The following DOCK4 variants were observed in gnomAD, a reference collection of about 807,000 sequenced individuals.
DOCK4 encodes dedicator of cytokinesis protein 4.
Under a neutral mutation model 268.1 loss-of-function variants are expected in DOCK4, and 97 were observed. The ratio of observed to expected loss-of-function variants is 0.36; its 90% CI spans 0.31 to 0.43. The LOEUF (loss-of-function observed/expected upper bound fraction) is 0.43. Among genes scored for constraint, DOCK4 ranks in the 20% least tolerant of loss-of-function variants. The pLI is 1.00. For missense variants in DOCK4, 2,145 were observed against 2,455.7 expected (o/e 0.87, Z 2.67); for synonymous variants, 954 against 887.2 (o/e 1.08, Z -1.34).
chr7:111,758,297 A>G (rs1242563043), intron 41 of DOCK4, among the ~76,000 whole-genome samples: 24 of 152,256 alleles, frequency 1.6e-4, no homozygotes, highest in Admixed American at 1.6e-3. Context: ...AATGAATAAG[A>G]GGACTGACTT....
chr7:112,100,459 C>G (rs1157607016), intron 1 of DOCK4, among the ~76,000 whole-genome samples: 2 of 152,240 alleles, frequency 1.3e-5, no homozygotes, highest in Admixed American at 6.5e-5. Context: ...GTTTTTTACC[C>G]AAGCCTGAAA....
intron 1 of DOCK4, among the ~76,000 whole-genome samples, chr7:112,205,705 C>T (rs75433333): frequency 0.012 from 1,872 of 152,220 alleles, 45 homozygotes; most frequent in African/African-American, 0.042. Flanking sequence ...ACCGTTGCAG[C>T]TCCCTGTCGC....
chr7:112,061,433 A>C (rs1806376769), intron 1 of DOCK4, among the ~76,000 whole-genome samples: 1 of 152,116 alleles, frequency 6.6e-6, no homozygotes, highest in Non-Finnish European at 1.5e-5. Context: ...GCTTTGGTTC[A>C]CAAGGTAGCT....
At chr7:111,946,119 TATGAC>T (rs1370198973) in intron 8 of DOCK4, among the ~76,000 whole-genome samples, 1 of 152,140 alleles carries the variant, frequency 6.6e-6, no homozygotes, top group African/African-American at 2.4e-5. Context: ...AAGAGAAAAA[TATGAC>T]ATAACATGTT....
At chr7:111,777,124 C>T (rs981159343) in intron 36 of DOCK4, among the ~76,000 whole-genome samples, 34 of 152,208 alleles carry the variant, frequency 2.2e-4, no homozygotes, top group African/African-American at 7.9e-4. Context: ...TGGCCTTGTA[C>T]TTGAGTAATT....
chr7:112,124,352 T>C (rs543326193), intron 1 of DOCK4, among the ~76,000 whole-genome samples: 1 of 152,306 alleles, frequency 6.6e-6, no homozygotes, highest in African/African-American at 2.4e-5. Flanking sequence ...TAAAGCAACA[T>C]TCCCTATAAG....
At chr7:111,904,372 T>C (rs530026612) in intron 13 of DOCK4, among the ~76,000 whole-genome samples, 74 of 152,178 alleles carry the variant, frequency 4.9e-4, no homozygotes, top group Non-Finnish European at 1.8e-4. Flanking sequence ...GTAAAATATA[T>C]AGTATGCTGA....
intron 16 of DOCK4, among the ~76,000 whole-genome samples, chr7:111,887,786 C>T (rs1807974153): frequency 6.8e-6 from 1 of 147,368 alleles, no homozygotes; most frequent in Non-Finnish European, 1.5e-5. Flanking sequence ...AAGGCTTGAG[C>T]ATGTTTATGA....
chr7:112,122,502 C>G (rs2523008), intron 1 of DOCK4, among the ~76,000 whole-genome samples: 53,392 of 151,908 alleles, frequency 0.35, 11,638 homozygotes, highest in South Asian at 0.54. Flanking sequence ...AACTCCTGGC[C>G]TCAAGCAATC....
chr7:111,942,433 A>C (rs946092351), intron 10 of DOCK4, among the ~76,000 whole-genome samples: 18 of 152,146 alleles, frequency 1.2e-4, no homozygotes, highest in East Asian at 5.8e-4. Context: ...CTCTTCAAAT[A>C]ATCAGTATGT....
intron 34 of DOCK4, 75 bp downstream of exon 34, chr7:111,783,782 G>A: frequency 7.8e-7 from 1 of 1,284,652 alleles, no homozygotes; most frequent in Non-Finnish European, 1.1e-6. Context: ...GTGGAACGTT[G>A]ATTGTATTCT....
At chr7:111,845,178 G>C (rs1402007453) in intron 24 of DOCK4, among the ~76,000 whole-genome samples, 1 of 152,202 alleles carries the variant, frequency 6.6e-6, no homozygotes, top group Non-Finnish European at 1.5e-5. Context: ...TCCCAACAGG[G>C]TGTGTGACCT....
At position 111,741,678 on chromosome 7, in the gene DOCK4, G is replaced by A; in HGVS notation, c.4798-17C>T. On this transcript the variant is annotated splice_polypyrimidine_tract_variant and intron_variant, in intron 45 of 52. Coordinates refer to ENST00000428084, the MANE Select transcript of DOCK4 (RefSeq NM_001363540.2). ...AGAGAACTCCTAAAGATGTAGTAAA[G>A]GAAATATCTCATTACAGTAATGATT... 1 of 1,610,474 alleles carries A rather than the reference G, an allele frequency of 6.2e-7. No individual in the cohort carries two copies. The highest frequency in any genetic ancestry group is 2.2e-5 in the East Asian group (1 of 44,834).
intron 40 of DOCK4, among the ~76,000 whole-genome samples, chr7:111,759,649 T>C (rs79107501): frequency 0.011 from 1,620 of 152,182 alleles, 33 homozygotes; most frequent in African/African-American, 0.035. Context: ...TCAGCTCAGT[T>C]GTTTGTGTTT....
intron 39 of DOCK4, among the ~76,000 whole-genome samples, chr7:111,761,390 C>T (rs1319567999): frequency 1.3e-5 from 2 of 152,062 alleles, no homozygotes; most frequent in East Asian, 3.9e-4. Context: ...ACTTTGTCCA[C>T]GTGTACTAGA....
At chr7:111,902,117 T>C (rs1263444949) in intron 13 of DOCK4, among the ~76,000 whole-genome samples, 2 of 152,184 alleles carry the variant, frequency 1.3e-5, no homozygotes, top group Non-Finnish European at 2.9e-5. Context: ...TGAGGTGTGA[T>C]TATAAAATGA....
At chr7:112,138,657 C>T (rs552470143) in intron 1 of DOCK4, among the ~76,000 whole-genome samples, 1 of 152,278 alleles carries the variant, frequency 6.6e-6, no homozygotes, top group South Asian at 2.1e-4. Flanking sequence ...ATTCTCTGTT[C>T]CTGTTATGAG....
At chr7:111,990,232 A>G (rs996110459) in intron 5 of DOCK4, among the ~76,000 whole-genome samples, 3 of 152,232 alleles carry the variant, frequency 2.0e-5, no homozygotes, top group Non-Finnish European at 4.4e-5. Flanking sequence ...TTGGTCCAGA[A>G]TGAGCCCTCT....
intron 1 of DOCK4, 129 bp downstream of exon 1, chr7:112,205,973 T>A (rs1190023175): frequency 1.3e-5 from 14 of 1,062,130 alleles, no homozygotes; most frequent in Non-Finnish European, 1.9e-5. Flanking sequence ...CAAAGCCCCG[T>A]ACCAGCTGCG....
Sources: gnomAD v4.1 joint callset for allele counts (sites outside exome capture counted in the v4.1 genomes callset) on GRCh38, gnomAD v4.1.1 for gene constraint, MANE v1.5 for transcripts, NCBI Gene and HGNC (gene_info 2026-07-23, HGNC 2026-07-21) for gene names.